DRAM1: variants seen among roughly 807,000 people sequenced by gnomAD.
DRAM1 encodes the protein DNA damage-regulated autophagy modulator protein 1.
In DRAM1, 25 loss-of-function variants were observed where a neutral mutation model predicts 28.5. The ratio of observed to expected loss-of-function variants is 0.88; its 90% confidence interval spans 0.64 to 1.23. The LOEUF (loss-of-function observed/expected upper bound fraction) is 1.23, where lower values mean the gene tolerates loss of function less well. Ranked by LOEUF, DRAM1 falls within the 50% of genes most tolerant of loss-of-function variation. The pLI, the probability that DRAM1 is intolerant of heterozygous loss-of-function variation, is 0.00. For missense variants in DRAM1, 249 were observed against 299.2 expected (o/e 0.83, Z 1.24); for synonymous variants, 113 against 114.2 (o/e 0.99, Z 0.07).
intron 6 of DRAM1, 43 bp downstream of exon 6, chr12:101,920,244 A>G: frequency 7.2e-7 from 1 of 1,379,688 alleles, no homozygotes; most frequent in Non-Finnish European, 1.0e-6. Context: ...GCGGACAATT[A>G]GGATTAGTAA....
At chr12:101,903,999 T>C (rs1423776809) in intron 3 of DRAM1, among the ~76,000 whole-genome samples, 1 of 151,956 alleles carries the variant, frequency 6.6e-6, no homozygotes, top group Non-Finnish European at 1.5e-5. Context: ...ATTATTATTA[T>C]TTTTTGAGAC....
intron 1 of DRAM1, among the ~76,000 whole-genome samples, chr12:101,878,933 G>T (rs1163474013): frequency 6.6e-6 from 1 of 151,986 alleles, no homozygotes; most frequent in African/African-American, 2.4e-5. Context: ...TTGGGGGTGG[G>T]GGTGAGGAGT....
At chr12:101,890,629 A>G (rs1408399691) in intron 1 of DRAM1, among the ~76,000 whole-genome samples, 1 of 152,130 alleles carries the variant, frequency 6.6e-6, no homozygotes. Context: ...ACTCTGATGG[A>G]GAGAGGGCAA....
intron 5 of DRAM1, among the ~76,000 whole-genome samples, chr12:101,918,536 A>C (rs1044328322): frequency 3.3e-5 from 5 of 152,204 alleles, no homozygotes; most frequent in African/African-American, 1.2e-4. Context: ...AAGGAGAGTG[A>C]AGAGTGACGC....
intron 3 of DRAM1, among the ~76,000 whole-genome samples, chr12:101,902,247 A>G (rs563219279): frequency 6.6e-6 from 1 of 152,326 alleles, no homozygotes; most frequent in South Asian, 2.1e-4. Context: ...CCATACAATT[A>G]TAATAAAAGC....
Position 101,896,864 on chromosome 12 carries a change from C to T in DRAM1, c.132-999C>T, listed in dbSNP as rs1390845832. On this transcript the variant is annotated intron_variant, in intron 1 of 6. Coordinates refer to ENST00000258534, the MANE Select transcript of DRAM1 (RefSeq NM_018370.3). Reference sequence around the variant, plus strand: ...GTGCAATGGTGTGATCTCGGCTCACCGCAACCTCCGCCTCCTGGGTTCAAG... The same window carrying T: ...GTGCAATGGTGTGATCTCGGCTCACTGCAACCTCCGCCTCCTGGGTTCAAG... Among the ~76,000 whole-genome samples, 7 of 151,488 alleles carry T rather than the reference C, an allele frequency of 4.6e-5. No individual in the cohort carries two copies. The East Asian group carries it at 7.8e-4, about 17-fold the overall frequency.
intron 1 of DRAM1, among the ~76,000 whole-genome samples, chr12:101,879,712 T>C (rs1872623301): frequency 6.6e-6 from 1 of 151,862 alleles, no homozygotes; most frequent in Non-Finnish European, 1.5e-5. Flanking sequence ...AAAGACCTGC[T>C]CAGCTGGGCA....
intron 4 of DRAM1, among the ~76,000 whole-genome samples, chr12:101,912,667 G>C (rs1468375191): frequency 6.6e-6 from 1 of 151,922 alleles, no homozygotes; most frequent in East Asian, 1.9e-4. Context: ...GCGGGGGGTT[G>C]GAGTTAAGAG....
intron 1 of DRAM1, among the ~76,000 whole-genome samples, chr12:101,892,384 C>T (rs111904439): frequency 0.011 from 1,721 of 150,272 alleles, 20 homozygotes; most frequent in Middle Eastern, 0.017. Flanking sequence ...TACAGGCACC[C>T]ACCACCATGC....
At chr12:101,890,311 C>A in intron 1 of DRAM1, 1 of 265,560 alleles carries the variant, frequency 3.8e-6, no homozygotes, top group Non-Finnish European at 7.5e-6. Flanking sequence ...AACTCCTGAC[C>A]TCAGGTGATC....
At chr12:101,904,501 G>A (rs1387850823) in intron 3 of DRAM1, among the ~76,000 whole-genome samples, 1 of 134,932 alleles carries the variant, frequency 7.4e-6, no homozygotes, top group Non-Finnish European at 1.5e-5. Context: ...GAGTGCAGTG[G>A]CGCAATCTCG....
intron 4 of DRAM1, among the ~76,000 whole-genome samples, chr12:101,910,086 G>A (rs1325819738): frequency 6.6e-6 from 1 of 152,150 alleles, no homozygotes; most frequent in Non-Finnish European, 1.5e-5. Context: ...TGAAGTCTAA[G>A]TATGATTTTG....
Position 101,914,244 on chromosome 12 carries a change from G to A in DRAM1, c.579+12G>A. The stretch of plus-strand genomic sequence containing the variant: ...ATCCAAGAGAAAAGGTAACATTTAA[G>A]TTGTTGTGAATGTGGTTGTCGGACG... On this transcript the variant is annotated intron_variant, in intron 5 of 6. Coordinates refer to ENST00000258534, the MANE Select transcript of DRAM1 (RefSeq NM_018370.3). 2 of 1,603,440 alleles carry A rather than the reference G, an allele frequency of 1.2e-6. No individual in the cohort carries two copies. The highest frequency in any genetic ancestry group is 1.7e-6 in the Non-Finnish European group (2 of 1,175,252).
At chr12:101,893,462 T>G (rs1873215856) in intron 1 of DRAM1, among the ~76,000 whole-genome samples, 1 of 152,236 alleles carries the variant, frequency 6.6e-6, no homozygotes, top group African/African-American at 2.4e-5. Context: ...AGCATCTATA[T>G]TAGTGTTTGC....
In DRAM1 at chr12:101,877,595, C is replaced by G. The variant is rs1872527064; in HGVS notation, c.-195C>G. 6.4e-6 allele frequency: 2 copies of G among 310,988 alleles called. No homozygotes were observed. The highest frequency in any genetic ancestry group is 1.1e-5 in the Non-Finnish European group (2 of 174,740). The allele number at this position is 310,988 out of a possible 1,614,324, so 19.3% of individuals were successfully genotyped here. A position where few individuals can be genotyped will look rare whatever the true frequency, so the allele number is the denominator to read the frequency against. Reference sequence around the variant, plus strand: ...CGCCCCACCCACTCTGGCCCGGCAGCCTCGCCGCCCGCAGCCTCGCTCCGC... The same window carrying G: ...CGCCCCACCCACTCTGGCCCGGCAGGCTCGCCGCCCGCAGCCTCGCTCCGC... On this transcript the variant is annotated 5_prime_UTR_variant, in exon 1 of 7. Coordinates refer to ENST00000258534, the MANE Select transcript of DRAM1 (RefSeq NM_018370.3). The surrounding 1 kb of genome is among the most constrained non-coding windows in gnomAD (Gnocchi z 4.1).
At chr12:101,888,936 C>T (rs1872993464) in intron 1 of DRAM1, among the ~76,000 whole-genome samples, 1 of 151,712 alleles carries the variant, frequency 6.6e-6, no homozygotes, top group Non-Finnish European at 1.5e-5. Flanking sequence ...TCCCAAGTAG[C>T]TAGGACTACA....
At chr12:101,898,165 T>C (rs6539017) in intron 2 of DRAM1, among the ~76,000 whole-genome samples, 77,674 of 151,798 alleles carry the variant, frequency 0.51, 20,361 homozygotes, top group East Asian at 0.63. Context: ...GTACTACAGG[T>C]GCACACCACC....
intron 3 of DRAM1, among the ~76,000 whole-genome samples, chr12:101,906,789 A>T (rs1594306098): frequency 7.1e-6 from 1 of 141,270 alleles, no homozygotes; most frequent in Non-Finnish European, 1.5e-5. Flanking sequence ...CGGCAGGTGG[A>T]GGTTGCAATG....
intron 1 of DRAM1, among the ~76,000 whole-genome samples, chr12:101,895,296 G>A (rs1873317160): frequency 7.2e-6 from 1 of 139,438 alleles, no homozygotes; most frequent in Non-Finnish European, 1.5e-5. Context: ...TCCTGCCTCA[G>A]TCTCCCGAGT....
Sources: allele counts gnomAD v4.1 joint callset (sites outside exome capture counted in the v4.1 genomes callset), GRCh38; gene constraint gnomAD v4.1.1; non-coding constraint Gnocchi (gnomAD v3.1); transcripts MANE v1.5; gene names NCBI Gene and HGNC (gene_info 2026-07-23, HGNC 2026-07-21).